Variants in WLS observed in about 807,000 individuals in gnomAD.
WLS encodes protein wntless homolog.
Under a neutral mutation model 62.8 loss-of-function variants are expected in WLS, and 23 were observed. The ratio of observed to expected loss-of-function variants is 0.37; its 90% CI spans 0.26 to 0.52. The LOEUF is 0.52. Ranked by LOEUF, WLS falls within the 20% of genes least tolerant of loss-of-function variation. WLS has a pLI of 0.92. For missense variants in WLS, 615 were observed against 697.3 expected (o/e 0.88, Z 1.33); for synonymous variants, 246 against 244.1 (o/e 1.01, Z -0.07).
chr1:68,098,848 A>C, intron 11 of WLS: 3 of 1,456,542 alleles, frequency 2.1e-6, no homozygotes, highest in Non-Finnish European at 2.7e-6. Context: ...TAACTATAAA[A>C]ATTTTTACCT....
chr1:68,108,535 C>T (rs146828289), intron 11 of WLS, among the ~76,000 whole-genome samples: 145 of 152,324 alleles, frequency 9.5e-4, no homozygotes, highest in African/African-American at 3.2e-3. Context: ...CCCCTTCCCA[C>T]TCCACTGTGG....
intron 1 of WLS, among the ~76,000 whole-genome samples, chr1:68,205,220 C>T (rs1649232922): frequency 6.6e-6 from 1 of 152,196 alleles, no homozygotes; most frequent in African/African-American, 2.4e-5. Context: ...TCATCAGAGA[C>T]TCACTTCCTA....
At chr1:68,128,289 A>C (rs1456649515) in intron 11 of WLS, among the ~76,000 whole-genome samples, 1 of 152,166 alleles carries the variant, frequency 6.6e-6, no homozygotes, top group Non-Finnish European at 1.5e-5. Flanking sequence ...CAGGCCAATA[A>C]CTTGTATTCT....
downstream of WLS, chr1:68,125,257 CTTTGA>C (rs1646412089): frequency 2.2e-6 from 2 of 924,188 alleles, no homozygotes; most frequent in Admixed American, 1.2e-4. Flanking sequence ...TCCCCAAACA[CTTTGA>C]TTTGATGATA....
intron 8 of WLS, 104 bp downstream of exon 8, chr1:68,148,032 G>A (rs955110069): frequency 3.4e-6 from 4 of 1,191,690 alleles, no homozygotes; most frequent in Middle Eastern, 2.1e-4. Context: ...TCAAAGCCCT[G>A]GCTGAGTACA....
intron 11 of WLS, among the ~76,000 whole-genome samples, chr1:68,113,406 C>A (rs142425510): frequency 6.6e-6 from 1 of 152,240 alleles, no homozygotes; most frequent in East Asian, 1.9e-4. Flanking sequence ...CTACTCATTC[C>A]CCAGGTAATT....
chr1:68,232,046 T>A (rs995204899), intron 1 of WLS, 148 bp downstream of exon 1: 5 of 1,060,622 alleles, frequency 4.7e-6, no homozygotes, highest in African/African-American at 1.6e-5. Flanking sequence ...CGGAGCCCCA[T>A]GGAGCTCTGC....
intron 11 of WLS, among the ~76,000 whole-genome samples, chr1:68,131,210 C>CTTT (rs5774913): frequency 1.4e-5 from 2 of 146,264 alleles, no homozygotes; most frequent in South Asian, 2.2e-4. Context: ...CGCACCTGGC[C>CTTT]TTTTTTTTTT....
At chr1:68,210,876 A>G (rs979981893) in intron 1 of WLS, among the ~76,000 whole-genome samples, 1 of 152,128 alleles carries the variant, frequency 6.6e-6, no homozygotes, top group Non-Finnish European at 1.5e-5. Context: ...ATCAAGGGGT[A>G]AGGCAGTAAG....
At chr1:68,136,322 A>G (rs563964727) in intron 11 of WLS, among the ~76,000 whole-genome samples, 2 of 152,330 alleles carry the variant, frequency 1.3e-5, no homozygotes, top group Admixed American at 1.3e-4. Context: ...CCTTGCCCTG[A>G]AGGAGTCGAT....
At chr1:68,204,172 G>A (rs891650935) in intron 1 of WLS, among the ~76,000 whole-genome samples, 3 of 152,016 alleles carry the variant, frequency 2.0e-5, no homozygotes, top group African/African-American at 7.3e-5. Flanking sequence ...TTTCACAAAT[G>A]CCAAGAATAA....
At position 68,145,973 on chromosome 1, in the gene WLS, A is replaced by T; in HGVS notation, c.1174T>A (p.Tyr392Asn). The T allele has an allele frequency of 1.9e-6, 3 of 1,614,198 alleles. No homozygotes were observed. The highest frequency in any genetic ancestry group is 2.5e-6 in the Non-Finnish European group (3 of 1,180,036). ...IIVAGICLCL[Y>N]FLFLCFMVFQ... ...ACCATGAAGCATAGAAACAGGAAGT[A>T]GAGGCAGAGGCAGATTCCAGCCACG... The change falls in exon 9 of 12, where the codon TAC becomes AAC. Residue 392 changes from tyrosine (Y) to asparagine (N), a missense_variant. Physicochemically the swap from Tyr to Asn is moderately radical, Grantham distance 143. Transcript: ENST00000262348.
At chr1:68,214,002 C>T (rs1317293806) in intron 1 of WLS, among the ~76,000 whole-genome samples, 1 of 152,190 alleles carries the variant, frequency 6.6e-6, no homozygotes, top group East Asian at 1.9e-4. Flanking sequence ...TCTCTTCTGC[C>T]TTCAGGATCT....
In WLS at chr1:68,169,656, G is replaced by A. The variant is rs77317699; in HGVS notation, c.380-10409C>T. Among the ~76,000 whole-genome samples the A allele has an allele frequency of 3.1e-3, 477 of 152,194 alleles. 3 individuals are homozygous for A. The highest frequency in any genetic ancestry group is 0.011 in the Admixed American group (167 of 15,286). ...AGCCTCCTCTCCTCACTGATATGCCGCTTGTTCAGGCCACCATTATCTCCA... is the reference window on the plus strand; with the variant it reads ...AGCCTCCTCTCCTCACTGATATGCCACTTGTTCAGGCCACCATTATCTCCA... On this transcript the variant is annotated intron_variant, in intron 2 of 11. Transcript: ENST00000262348.
Position 68,183,956 on chromosome 1 carries a change from CA to C in WLS, c.379+9998del, listed in dbSNP as rs559561558. 1.7e-3 allele frequency among the ~76,000 whole-genome samples: 258 copies of C among 152,254 alleles called. 1 individual carries two copies. The highest frequency in any genetic ancestry group is 6.0e-3 in the African/African-American group (249 of 41,550). ...TGCAATAATGAAACAAGTAAGACAA[CA>C]CTGGGTTCCAGTGTACAGCACAAGG... On this transcript the variant is annotated intron_variant, in intron 2 of 11. Coordinates refer to ENST00000262348, the MANE Select transcript of WLS (RefSeq NM_024911.7).
At chr1:68,221,459 T>TA (rs1649938282) in intron 1 of WLS, among the ~76,000 whole-genome samples, 2 of 152,134 alleles carry the variant, frequency 1.3e-5, no homozygotes, top group Non-Finnish European at 1.5e-5. Flanking sequence ...AGCTAAAAGG[T>TA]AAAAGCCTGG....
intron 10 of WLS, chr1:68,138,433 T>G (rs1412967575): frequency 6.5e-6 from 1 of 152,698 alleles, no homozygotes; most frequent in African/African-American, 2.4e-5. Flanking sequence ...GACTCCAGAC[T>G]TCAGAACTTC....
At chr1:68,192,616 G>A (rs149833366) in intron 2 of WLS, among the ~76,000 whole-genome samples, 1,547 of 150,370 alleles carry the variant, frequency 0.01, 20 homozygotes, top group Non-Finnish European at 0.014. Flanking sequence ...CAAAATTAGC[G>A]TGCCTGTAGT....
At chr1:68,231,496 C>T (rs931416674) in intron 1 of WLS, 1 of 291,228 alleles carries the variant, frequency 3.4e-6, no homozygotes, top group East Asian at 9.8e-5. Context: ...TACGCTTTTC[C>T]CCTCCGACCT....
Sources: gnomAD v4.1 joint callset for allele counts (sites outside exome capture counted in the v4.1 genomes callset) on GRCh38, gnomAD v4.1.1 for gene constraint, MANE v1.5 for transcripts, NCBI Gene and HGNC (gene_info 2026-07-23, HGNC 2026-07-21) for gene names.